IQSEC1: variants seen among roughly 807,000 people sequenced by gnomAD.
IQSEC1 encodes IQ motif and SEC7 domain-containing protein 1.
Under a neutral mutation model 91.0 loss-of-function variants are expected in IQSEC1, and 31 were observed. That is an observed-to-expected ratio of 0.34 (90% confidence interval 0.26 to 0.46). IQSEC1 has a LOEUF of 0.46. Ranked by LOEUF, IQSEC1 falls within the 20% of genes least tolerant of loss-of-function variation. The pLI is 1.00. For missense variants in IQSEC1, 1,388 were observed against 1,575.6 expected (o/e 0.88, Z 2.02); for synonymous variants, 699 against 662.6 (o/e 1.05, Z -0.84).
At chr3:12,918,434 C>A (rs1386280261) in intron 6 of IQSEC1, among the ~76,000 whole-genome samples, 1 of 152,198 alleles carries the variant, frequency 6.6e-6, no homozygotes, top group Non-Finnish European at 1.5e-5. Flanking sequence ...GCCAAGCCTT[C>A]TCTACTCTAG....
intron 1 of IQSEC1, among the ~76,000 whole-genome samples, chr3:13,187,787 A>G (rs1164506431): frequency 6.6e-6 from 1 of 152,226 alleles, no homozygotes; most frequent in Admixed American, 6.5e-5. Context: ...TCCAAGATCA[A>G]GGTGCCGCAG....
intron 2 of IQSEC1, among the ~76,000 whole-genome samples, chr3:13,141,561 T>C (rs901138585): frequency 1.3e-5 from 2 of 152,196 alleles, no homozygotes; most frequent in African/African-American, 4.8e-5. Flanking sequence ...AGGGAGCTGA[T>C]GAGTGGACTG....
At position 13,282,753 on chromosome 3, in the gene IQSEC1, T is replaced by G. The variant is rs1316669389; in HGVS notation, c.230A>C (p.Gln77Pro). The change falls in exon 1 of 16, where the codon CAG becomes CCG. Residue 77 changes from glutamine to proline, a missense_variant. Physicochemically the swap from Gln to Pro is moderately conservative, Grantham distance 76. Transcript: ENST00000648114. This position sits in a 1 kb window ranked among gnomAD's most constrained non-coding sequence, Gnocchi z 6.4. ...GAGCTCCGGGATGGCGCCGAGCGGC[T>G]GCGGGCCGGGGCCGGGGCCCGGGTC... Among the ~76,000 whole-genome samples the G allele has an allele frequency of 3.4e-5, 5 of 148,198 alleles. No homozygotes were observed. The highest frequency in any genetic ancestry group is 4.9e-5 in the African/African-American group (2 of 40,612).
chr3:12,954,111 G>A lies in IQSEC1; in HGVS notation c.24-12246C>T, dbSNP rs373560376. 5.9e-5 allele frequency among the ~76,000 whole-genome samples: 9 copies of A among 152,306 alleles called. No homozygotes were observed. The East Asian group carries it at 1.4e-3, about 23-fold the overall frequency. ...TTGTCCTGTCAAAGGCAGTCTTTCC[G>A]GCCCCAGGGAGGTGATGGCTCCAGC... On this transcript the variant is annotated intron_variant, in intron 1 of 13. Transcript: ENST00000613206.
At chr3:12,905,561 A>C (rs912719403) in intron 12 of IQSEC1, among the ~76,000 whole-genome samples, 7 of 152,216 alleles carry the variant, frequency 4.6e-5, no homozygotes, top group Admixed American at 6.5e-5. Context: ...GTGGGGGATG[A>C]GCTCAGGCTG....
At chr3:13,239,043 C>T (rs532129256) in intron 1 of IQSEC1, among the ~76,000 whole-genome samples, 1 of 152,350 alleles carries the variant, frequency 6.6e-6, no homozygotes, top group Non-Finnish European at 1.5e-5. Context: ...CATGGGGTTC[C>T]CCGAGGATGC....
chr3:13,066,798 C>G (rs1190365504), intron 1 of IQSEC1, among the ~76,000 whole-genome samples: 1 of 152,248 alleles, frequency 6.6e-6, no homozygotes, highest in Non-Finnish European at 1.5e-5. Context: ...TAGCTCCATG[C>G]AGGCAGGGCG....
At chr3:13,025,218 T>A (rs1703568359) in intron 1 of IQSEC1, among the ~76,000 whole-genome samples, 1 of 152,178 alleles carries the variant, frequency 6.6e-6, no homozygotes. Flanking sequence ...GTGGAAGCCT[T>A]CACCCCCTCA....
intron 2 of IQSEC1, among the ~76,000 whole-genome samples, chr3:13,102,804 C>T (rs112168296): frequency 3.9e-5 from 6 of 152,252 alleles, no homozygotes; most frequent in South Asian, 2.1e-4. Context: ...CTCCAGGAGG[C>T]GGGTACTGAG....
intron 1 of IQSEC1, among the ~76,000 whole-genome samples, chr3:13,189,381 G>A (rs1576288217): frequency 6.7e-6 from 1 of 149,870 alleles, no homozygotes; most frequent in Non-Finnish European, 1.5e-5. Context: ...TTGAGGTCCT[G>A]CTCCAAGCTA....
At chr3:13,240,959 C>T (rs914304547) in intron 1 of IQSEC1, among the ~76,000 whole-genome samples, 5 of 152,206 alleles carry the variant, frequency 3.3e-5, no homozygotes, top group Admixed American at 2.6e-4. Context: ...TCTTCCTTCT[C>T]CTAAGTGATC....
At chr3:13,087,751 A>C (rs190119221) in intron 2 of IQSEC1, among the ~76,000 whole-genome samples, 8 of 152,324 alleles carry the variant, frequency 5.3e-5, no homozygotes, top group African/African-American at 1.9e-4. Context: ...CTTATTGCTC[A>C]GTTCTGGAGG....
intron 1 of IQSEC1, among the ~76,000 whole-genome samples, chr3:13,047,214 A>G (rs1035744067): frequency 2.0e-5 from 3 of 152,164 alleles, no homozygotes; most frequent in African/African-American, 7.2e-5. Flanking sequence ...AGGGGCCTTC[A>G]GCTGAGCTCT....
chr3:13,233,040 T>C (rs1409399487), intron 1 of IQSEC1, among the ~76,000 whole-genome samples: 3 of 152,196 alleles, frequency 2.0e-5, no homozygotes, highest in Non-Finnish European at 4.4e-5. Flanking sequence ...GAAAAGGTCC[T>C]GGAGATGGGT....
chr3:12,980,735 G>T (rs967112616), intron 1 of IQSEC1, among the ~76,000 whole-genome samples: 5 of 152,150 alleles, frequency 3.3e-5, no homozygotes, highest in African/African-American at 4.8e-5. Flanking sequence ...CTTCCTAAGA[G>T]CCCTTCTGTT....
In IQSEC1 at chr3:13,136,425, C is replaced by A. The variant is rs555109893; in HGVS notation, c.302+27679G>T. 1.5e-4 allele frequency among the ~76,000 whole-genome samples: 23 copies of A among 152,286 alleles called. No homozygotes were observed. The East Asian group carries it at 4.4e-3, about 29-fold the overall frequency. ...AACAAAAAGCTCGCCAAGCATTAAACAACTGGTAGATCTGACTACAGTGAA... is the reference window on the plus strand; with the variant it reads ...AACAAAAAGCTCGCCAAGCATTAAAAAACTGGTAGATCTGACTACAGTGAA... On this transcript the variant is annotated intron_variant, in intron 2 of 15. Transcript: ENST00000648114.
intron 1 of IQSEC1, among the ~76,000 whole-genome samples, chr3:13,020,044 C>T (rs906737643): frequency 6.6e-6 from 1 of 152,198 alleles, no homozygotes; most frequent in African/African-American, 2.4e-5. Flanking sequence ...CAGCGGGCCT[C>T]CCAGTGCCGA....
chr3:13,055,549 T>C lies in IQSEC1; in HGVS notation c.23+17443A>G, dbSNP rs117025251. ...TGAAAACGGAGGCACCTAGCCATGA[T>C]CAGAGGCATAACTCAAAGAGTGAAT... On this transcript the variant is annotated intron_variant, in intron 1 of 13. Coordinates refer to ENST00000613206, the MANE Select transcript of IQSEC1 (RefSeq NM_001134382.3). 2.6e-5 allele frequency among the ~76,000 whole-genome samples: 4 copies of C among 152,310 alleles called. No homozygotes were observed. The East Asian group carries it at 7.7e-4, about 29-fold the overall frequency.
At position 12,909,299 on chromosome 3, in the gene IQSEC1, T is replaced by G; in HGVS notation, c.2552A>C (p.Gln851Pro). 1 of 1,614,234 alleles carries G rather than the reference T, an allele frequency of 6.2e-7. No homozygotes were observed. Among genetic ancestry groups the G allele is most frequent in the Non-Finnish European group, 8.5e-7 (1 of 1,180,028 alleles). Residue 851 changes from glutamine to proline, a missense_variant, in exon 11 of 14, where the codon CAA (glutamine) becomes CCA (proline). This residue lies in a region of IQSEC1 where 1,059 missense variants were observed against 1,317.8 expected (regional missense o/e 0.80). Coordinates refer to ENST00000613206, the MANE Select transcript of IQSEC1 (RefSeq NM_001134382.3). The surrounding 1 kb of genome is among the most constrained non-coding windows in gnomAD (Gnocchi z 4.9). ...CTCTATCCTGTGCTTCTCCATCTCTTGGACTTCCGCAATGGACTCCCGCAG... is the reference window on the plus strand; with the variant it reads ...CTCTATCCTGTGCTTCTCCATCTCTGGGACTTCCGCAATGGACTCCCGCAG... ...DDLRESIAEV[Q>P]EMEKHRIESE... is the part of the protein sequence containing the mutation.
Sources: allele counts gnomAD v4.1 joint callset (sites outside exome capture counted in the v4.1 genomes callset), GRCh38; gene constraint gnomAD v4.1.1; regional missense constraint gnomAD v4.1.1; non-coding constraint Gnocchi (gnomAD v3.1); transcripts MANE v1.5; gene names NCBI Gene and HGNC (gene_info 2026-07-23, HGNC 2026-07-21).